CAMK2A: variants seen among roughly 807,000 people sequenced by gnomAD.
The protein encoded by CAMK2A is calcium/calmodulin dependent protein kinase II alpha.
CAMK2A carries 7 observed loss-of-function variants against 79.2 expected under a neutral mutation model. That is an observed-to-expected ratio of 0.09 (90% confidence interval 0.05 to 0.17). CAMK2A has a LOEUF of 0.17. Ranked by LOEUF, CAMK2A falls within the 10% of genes least tolerant of loss-of-function variation. CAMK2A has a pLI of 1.00. For missense variants in CAMK2A, 214 were observed against 646.4 expected, an observed-to-expected ratio of 0.33 and a Z score of 7.25; for synonymous variants, 242 against 251.7, an observed-to-expected ratio of 0.96 and a Z score of 0.36.
intron 12 of CAMK2A, among the ~76,000 whole-genome samples, chr5:150,245,504 G>C (rs1019319657): frequency 4.6e-5 from 7 of 152,164 alleles, no homozygotes; most frequent in Non-Finnish European, 1.0e-4. Context: ...GTTTCAGCCC[G>C]GGGATTCCCT....
intron 2 of CAMK2A, among the ~76,000 whole-genome samples, chr5:150,267,165 A>G (rs1756546929): frequency 6.6e-6 from 1 of 152,154 alleles, no homozygotes; most frequent in African/African-American, 2.4e-5. Context: ...CCTCCAGGGT[A>G]GGGGAGGCTG....
intron 13 of CAMK2A, among the ~76,000 whole-genome samples, 200 bp from the exon 14 acceptor site, chr5:150,239,936 G>A (rs3797617): frequency 0.13 from 20,325 of 151,944 alleles, 1,563 homozygotes; most frequent in Admixed American, 0.22. Flanking sequence ...GCCAGTCCTC[G>A]TCCTGAAGCT....
chr5:150,222,800 T>C (rs17712679), intron 18 of CAMK2A, 87 bp from the exon 19 acceptor site: 2 of 1,544,582 alleles, frequency 1.3e-6, no homozygotes, highest in Non-Finnish European at 1.8e-6. Flanking sequence ...ATGGAGTCCA[T>C]GCGGTCCCTG....
At chr5:150,270,541 A>G (rs1756704647) in intron 2 of CAMK2A, among the ~76,000 whole-genome samples, 1 of 152,294 alleles carries the variant, frequency 6.6e-6, no homozygotes, top group Admixed American at 6.5e-5. Context: ...ACCCAGGAGC[A>G]CCAGCAGGAG....
At chr5:150,246,984 C>T (rs930211) in intron 12 of CAMK2A, among the ~76,000 whole-genome samples, 64,214 of 151,896 alleles carry the variant, frequency 0.42, 13,555 homozygotes, top group South Asian at 0.49. Context: ...GCGGCCTGCG[C>T]TCCCCAGAAG....
intron 13 of CAMK2A, among the ~76,000 whole-genome samples, chr5:150,240,646 G>A (rs1420130716): frequency 6.6e-6 from 1 of 152,232 alleles, no homozygotes; most frequent in African/African-American, 2.4e-5. Context: ...CACAGAAGAT[G>A]GTAGGTGAAG....
intron 1 of CAMK2A, among the ~76,000 whole-genome samples, chr5:150,276,428 A>C (rs1756948279): frequency 6.6e-6 from 1 of 152,166 alleles, no homozygotes; most frequent in Admixed American, 6.5e-5. Context: ...AGAGTGAGAG[A>C]AACTGAAGTG....
At chr5:150,249,393 G>A (rs907365309) in intron 11 of CAMK2A, among the ~76,000 whole-genome samples, 6 of 152,164 alleles carry the variant, frequency 3.9e-5, no homozygotes, top group East Asian at 1.9e-4. Context: ...CAGCTGGGGC[G>A]CCTCCCTGAC....
intron 15 of CAMK2A, among the ~76,000 whole-genome samples, chr5:150,233,206 T>C (rs1362337982): frequency 6.6e-6 from 1 of 152,152 alleles, no homozygotes; most frequent in Non-Finnish European, 1.5e-5. Context: ...TCTACCAAGT[T>C]CCAGAGCCTC....
chr5:150,233,733 A>G (rs1754943642), intron 15 of CAMK2A, among the ~76,000 whole-genome samples: 1 of 152,118 alleles, frequency 6.6e-6, no homozygotes, highest in Non-Finnish European at 1.5e-5. Flanking sequence ...TCCTTCCCAG[A>G]AGCTGGAAAC....
Position 150,250,283 on chromosome 5 carries a change from C to T in CAMK2A, c.843G>A (p.Met281Ile). 1 of 1,614,026 alleles carries T rather than the reference C, an allele frequency of 6.2e-7. No individual in the cohort carries two copies. ...ISHRSTVASC[M>I]HRQETVDCLK... ...GGCAGTCCACGGTCTCCTGTCTGTG[C>T]ATGCAGGATGCCACGGTGGAGCGGT... is the stretch of plus-strand genomic sequence containing the variant. Residue 281 changes from methionine (M) to isoleucine (I), a missense_variant, in exon 11 of 19, where the codon ATG (methionine) becomes ATA (isoleucine). By Grantham distance (10) the Met-to-Ile change is conservative. Transcript: ENST00000671881.
chr5:150,234,126 C>G (rs908572256), intron 15 of CAMK2A, among the ~76,000 whole-genome samples: 8 of 152,276 alleles, frequency 5.3e-5, no homozygotes, highest in Middle Eastern at 3.4e-3. Context: ...CTACCTCTTT[C>G]TTGCCACTCC....
rs544551989 is a variant in CAMK2A at position 150,223,974 on chromosome 5, G to A, written c.1238-757C>T. Among the ~76,000 whole-genome samples the A allele has an allele frequency of 2.4e-4, 37 of 152,264 alleles. No homozygotes were observed. Among genetic ancestry groups the A allele is most frequent in the African/African-American group, 6.7e-4 (28 of 41,546 alleles). On this transcript the variant is annotated intron_variant, in intron 17 of 18. Coordinates refer to ENST00000671881, the MANE Select transcript of CAMK2A (RefSeq NM_015981.4). This position sits in a 1 kb window ranked among gnomAD's most constrained non-coding sequence, Gnocchi z 4.1. ...TGTAGATATACAGAATTGTGGAAAC[G>A]TGGAGGAATATGAAAATTGTAGAAT...
intron 13 of CAMK2A, among the ~76,000 whole-genome samples, chr5:150,241,947 C>A (rs946329507): frequency 6.6e-6 from 1 of 152,132 alleles, no homozygotes; most frequent in African/African-American, 2.4e-5. Flanking sequence ...CCCGAGGAGC[C>A]GCGCAGGGGC....
At chr5:150,258,313 C>T (rs965663924) in intron 3 of CAMK2A, among the ~76,000 whole-genome samples, 1 of 152,226 alleles carries the variant, frequency 6.6e-6, no homozygotes, top group African/African-American at 2.4e-5. Flanking sequence ...GGGGCTGACT[C>T]TGGGACCACA....
chr5:150,237,299 A>G (rs1755121531), intron 15 of CAMK2A, among the ~76,000 whole-genome samples: 1 of 152,120 alleles, frequency 6.6e-6, no homozygotes, highest in Non-Finnish European at 1.5e-5. Context: ...TCTGTTTTCT[A>G]AGGCAAAATA....
At chr5:150,258,170 T>C (rs1580930663) in intron 3 of CAMK2A, among the ~76,000 whole-genome samples, 1 of 152,026 alleles carries the variant, frequency 6.6e-6, no homozygotes, top group Admixed American at 6.6e-5. Flanking sequence ...AGTGAAAGGG[T>C]CCCTGCGTTC....
At position 150,289,605 on chromosome 5, in the gene CAMK2A, G is replaced by T; in HGVS notation, c.21C>A (p.Thr7=). MATITC[T]RFTEEYQLFE... is the part of the protein sequence containing the mutation. ...AGAGCTGGTACTCTTCCGTGAAGCG[G>T]GTGCAGGTGATGGTGGCCATCCTGG... The change falls in exon 1 of 19, where the codon ACC becomes ACA. Residue 7 remains threonine, a synonymous_variant. Coordinates refer to ENST00000671881, the MANE Select transcript of CAMK2A (RefSeq NM_015981.4). The T allele has an allele frequency of 6.2e-7, 1 of 1,614,006 alleles. No individual in the cohort carries two copies. Among genetic ancestry groups the T allele is most frequent in the Non-Finnish European group, 8.5e-7 (1 of 1,179,946 alleles).
At chr5:150,245,236 C>T (rs199845316) in intron 12 of CAMK2A, 35 bp from the exon 13 acceptor site, 174 of 1,608,452 alleles carry the variant, frequency 1.1e-4, no homozygotes, top group Middle Eastern at 1.6e-4. Flanking sequence ...TTAACAACGC[C>T]AGGCAGGGCA....
Sources: allele counts gnomAD v4.1 joint callset (sites outside exome capture counted in the v4.1 genomes callset), GRCh38; gene constraint gnomAD v4.1.1; non-coding constraint Gnocchi (gnomAD v3.1); transcripts MANE v1.5; gene names NCBI Gene and HGNC (gene_info 2026-07-23, HGNC 2026-07-21).